The following PRUNE2 variants were observed in gnomAD, a reference collection of about 807,000 sequenced individuals.
PRUNE2 encodes protein prune homolog 2.
In PRUNE2, 164 loss-of-function variants were observed where a neutral mutation model predicts 252.0. The ratio of observed to expected loss-of-function variants is 0.65; its 90% CI spans 0.57 to 0.74. PRUNE2 has a LOEUF of 0.74. PRUNE2 is among the 30% of genes least tolerant of loss of function. The pLI, the probability that PRUNE2 is intolerant of heterozygous loss-of-function variation, is 0.00. For missense variants in PRUNE2, 3,495 were observed against 3,711.0 expected, an observed-to-expected ratio of 0.94 and a Z score of 1.51; for synonymous variants, 1,292 against 1,350.2, an observed-to-expected ratio of 0.96 and a Z score of 0.94.
chr9:76,904,823 G>A (rs1056734494), intron 1 of PRUNE2, among the ~76,000 whole-genome samples: 1 of 152,160 alleles, frequency 6.6e-6, no homozygotes, highest in African/African-American at 2.4e-5. Context: ...TCACACTTCC[G>A]TCTGCACTCT....
chr9:76,817,562 G>A (rs2057770086), intron 6 of PRUNE2, among the ~76,000 whole-genome samples: 1 of 152,144 alleles, frequency 6.6e-6, no homozygotes, highest in Non-Finnish European at 1.5e-5. Context: ...GGCCCTCCAA[G>A]CTCTTCTCCC....
chr9:76,810,979 A>C (rs776450193), intron 6 of PRUNE2, among the ~76,000 whole-genome samples: 42 of 152,212 alleles, frequency 2.8e-4, no homozygotes, highest in Non-Finnish European at 5.1e-4. Flanking sequence ...GGAGCGTTAC[A>C]GACAAACTAA....
intron 7 of PRUNE2, among the ~76,000 whole-genome samples, chr9:76,712,477 C>T (rs1588763135): frequency 2.0e-5 from 1 of 50,558 alleles, no homozygotes. Context: ...CTGGCTATTG[C>T]TAGGATGGGG....
In PRUNE2 at chr9:76,637,433, T is replaced by C; in HGVS notation, c.8948A>G (p.Gln2983Arg). Residue 2983 changes from glutamine to arginine, a missense_variant, in exon 14 of 19, where the codon CAG (glutamine) becomes CGG (arginine). Coordinates refer to ENST00000376718, the MANE Select transcript of PRUNE2 (RefSeq NM_015225.3). The part of the protein sequence containing the change: ...PGLGWMKKCY[Q>R]MIDRRLRKNL... ...GCCCACATACCGTCTGTCAATCATC[T>C]GGTAGCATTTCTTCATCCAGCCTAG... The C allele has an allele frequency of 6.2e-7, 1 of 1,613,700 alleles. No homozygotes were observed. Among genetic ancestry groups the C allele is most frequent in the Non-Finnish European group, 8.5e-7 (1 of 1,179,788 alleles).
intron 15 of PRUNE2, among the ~76,000 whole-genome samples, chr9:76,633,536 CGCACCACA>C (rs1253095159): frequency 6.4e-5 from 9 of 141,014 alleles, no homozygotes; most frequent in Non-Finnish European, 9.2e-5. Flanking sequence ...GAGCCGAGAT[CGCACCACA>C]GCACTCCAGC....
chr9:76,859,686 C>CTTAT (rs1041465205), intron 1 of PRUNE2, among the ~76,000 whole-genome samples: 1 of 150,266 alleles, frequency 6.7e-6, no homozygotes, highest in Non-Finnish European at 1.5e-5. Context: ...GGCTAGGGTG[C>CTTAT]TTGTTTGTTT....
intron 9 of PRUNE2, among the ~76,000 whole-genome samples, chr9:76,685,464 C>A (rs1448494316): frequency 6.6e-6 from 1 of 152,140 alleles, no homozygotes; most frequent in Admixed American, 6.5e-5. Context: ...GAAGTCTTAA[C>A]CCTTAGTACC....
intron 6 of PRUNE2, among the ~76,000 whole-genome samples, chr9:76,769,587 G>A (rs998633210): frequency 2.6e-5 from 4 of 152,058 alleles, no homozygotes; most frequent in African/African-American, 4.8e-5. Context: ...CACCATGTCC[G>A]GCTAATTTTC....
chr9:76,638,557 ATTG>A (rs769842079), intron 12 of PRUNE2, among the ~76,000 whole-genome samples: 1 of 152,244 alleles, frequency 6.6e-6, no homozygotes, highest in Non-Finnish European at 1.5e-5. Flanking sequence ...GGATGATTAT[ATTG>A]TTGTACATAG....
At chr9:76,746,560 C>T (rs1564202145) in intron 6 of PRUNE2, among the ~76,000 whole-genome samples, 1 of 151,320 alleles carries the variant, frequency 6.6e-6, no homozygotes, top group Non-Finnish European at 1.5e-5. Flanking sequence ...AAAAAATTAG[C>T]CGGGCGCGGT....
chr9:76,881,874 G>C lies in PRUNE2; in HGVS notation c.36+24054C>G, dbSNP rs537837302. On this transcript the variant is annotated intron_variant, in intron 1 of 18. Coordinates refer to ENST00000376718, the MANE Select transcript of PRUNE2 (RefSeq NM_015225.3). ...CTGACCTCGTGATCTGCCCGCCTCG[G>C]CCTCCCAAAGTGCTGGGATTACAGG... Among the ~76,000 whole-genome samples, 11 of 152,088 alleles carry C rather than the reference G, an allele frequency of 7.2e-5. No homozygotes were observed. The East Asian group carries it at 1.6e-3, about 21-fold the overall frequency.
At chr9:76,822,492 T>C (rs1363560169) in intron 6 of PRUNE2, among the ~76,000 whole-genome samples, 1 of 152,184 alleles carries the variant, frequency 6.6e-6, no homozygotes, top group African/African-American at 2.4e-5. Flanking sequence ...TACACATTGA[T>C]ATAGTCAACA....
chr9:76,647,287 A>AAGAT (rs1456904920), intron 11 of PRUNE2, among the ~76,000 whole-genome samples: 1 of 152,258 alleles, frequency 6.6e-6, no homozygotes, highest in Non-Finnish European at 1.5e-5. Flanking sequence ...CAATAAAGCA[A>AAGAT]AGATAGTCTT....
At chr9:76,881,565 C>T (rs1409064327) in intron 1 of PRUNE2, among the ~76,000 whole-genome samples, 1 of 152,010 alleles carries the variant, frequency 6.6e-6, no homozygotes, top group African/African-American at 2.4e-5. Context: ...CTCCATTGCC[C>T]CAGCAACCAC....
chr9:76,780,406 G>A (rs937560224), intron 6 of PRUNE2, among the ~76,000 whole-genome samples: 7 of 152,060 alleles, frequency 4.6e-5, no homozygotes, highest in South Asian at 2.1e-4. Flanking sequence ...ACCAAGCAGC[G>A]GCCAGGCACG....
At chr9:76,768,579 A>G (rs13296709) in intron 6 of PRUNE2, among the ~76,000 whole-genome samples, 2,518 of 100,344 alleles carry the variant, frequency 0.025, 42 homozygotes, top group African/African-American at 0.053. Context: ...ATATATGTAT[A>G]TGTATGTGTG....
intron 1 of PRUNE2, among the ~76,000 whole-genome samples, chr9:76,887,994 G>A (rs1434575956): frequency 6.6e-6 from 1 of 152,124 alleles, no homozygotes; most frequent in African/African-American, 2.4e-5. Context: ...ACTATGTTAA[G>A]AGAAACAGAA....
Position 76,709,484 on chromosome 9 carries a change from C to T in PRUNE2, c.2790G>A (p.Gly930=). 1.2e-6 allele frequency: 2 copies of T among 1,613,920 alleles called. No homozygotes were observed. Among genetic ancestry groups the T allele is most frequent in the Non-Finnish European group, 1.7e-6 (2 of 1,179,826 alleles). ...CTTCCCAAGGAACTAGGACATCTGA[C>T]CCTCCTTTCTTCATATTCTCCTCAA... The part of the protein sequence containing the change: ...NLFEENMKKG[G]SDVLVPWEDS... The change falls in exon 8 of 19, where the codon GGG becomes GGA. Residue 930 remains glycine, a synonymous_variant. Transcript: ENST00000376718.
intron 1 of PRUNE2, among the ~76,000 whole-genome samples, chr9:76,885,418 A>G (rs1417251245): frequency 6.6e-6 from 1 of 152,164 alleles, no homozygotes; most frequent in African/African-American, 2.4e-5. Context: ...GATCTTGCCC[A>G]GGGAAAATTG....
Sources: allele counts gnomAD v4.1 joint callset (sites outside exome capture counted in the v4.1 genomes callset), GRCh38; gene constraint gnomAD v4.1.1; transcripts MANE v1.5; gene names NCBI Gene and HGNC (gene_info 2026-07-23, HGNC 2026-07-21).